Variants in PAG1 observed in about 807,000 individuals in gnomAD.
The protein encoded by PAG1 is phosphoprotein associated with glycosphingolipid-enriched microdomains 1.
A neutral mutation model predicts 31.7 loss-of-function variants in PAG1; 23 were observed. That is an observed-to-expected ratio of 0.73 (90% CI 0.52 to 1.03). PAG1 has a LOEUF of 1.03. Ranked by LOEUF, PAG1 falls within the 50% of genes least tolerant of loss-of-function variation. PAG1 has a pLI of 0.00. For missense variants in PAG1, 473 were observed against 540.7 expected, an observed-to-expected ratio of 0.87 and a Z score of 1.24; for synonymous variants, 214 against 210.3, an observed-to-expected ratio of 1.02 and a Z score of -0.15.
chr8:81,085,431 A>C (rs1809334978), intron 1 of PAG1, among the ~76,000 whole-genome samples: 1 of 152,218 alleles, frequency 6.6e-6, no homozygotes, highest in Non-Finnish European at 1.5e-5. Flanking sequence ...TAACTCAGGC[A>C]TTAAAATCAT....
chr8:81,064,913 A>G (rs1808977843), intron 2 of PAG1, among the ~76,000 whole-genome samples: 1 of 152,236 alleles, frequency 6.6e-6, no homozygotes, highest in Non-Finnish European at 1.5e-5. Context: ...TGGCATTTAT[A>G]TGCTTTCCCT....
chr8:81,095,048 A>T (rs1238069598), intron 1 of PAG1, among the ~76,000 whole-genome samples: 1 of 152,230 alleles, frequency 6.6e-6, no homozygotes, highest in Non-Finnish European at 1.5e-5. Flanking sequence ...TTTCTCAAAG[A>T]TTGGTCCATG....
At chr8:80,987,744 A>T (rs1807455872) in intron 5 of PAG1, among the ~76,000 whole-genome samples, 2 of 152,278 alleles carry the variant, frequency 1.3e-5, no homozygotes, top group South Asian at 4.1e-4. Flanking sequence ...AAGTACAGTA[A>T]TTTAACAATA....
intron 1 of PAG1, among the ~76,000 whole-genome samples, chr8:81,077,758 G>A (rs1040546011): frequency 1.4e-4 from 22 of 152,192 alleles, no homozygotes; most frequent in African/African-American, 5.1e-4. Flanking sequence ...GTAAAGGTTT[G>A]AAAATAATAT....
Position 80,985,023 on chromosome 8 carries a change from G to T in PAG1, c.629C>A (p.Ser210Ter). 1 of 1,614,072 alleles carries T rather than the reference G, an allele frequency of 6.2e-7. No homozygotes were observed. The highest frequency in any genetic ancestry group is 1.1e-5 in the South Asian group (1 of 91,080). The change falls in exon 7 of 9, where the codon TCG (serine) becomes TAG (stop). Residue 210 changes from serine (S) to a stop codon, truncating the protein, a stop_gained. Coordinates refer to ENST00000220597, the MANE Select transcript of PAG1 (RefSeq NM_018440.4). LOFTEE classifies it high-confidence loss of function. ...HSGKAKSTSA[S>*]KELPGPQTEG... ...AGTCTGGGGCCCTGGGAGCTCTTTC[G>T]AGGCAGAAGTAGATTTTGCCTTGCC...
At chr8:81,085,600 T>G (rs1178212889) in intron 1 of PAG1, among the ~76,000 whole-genome samples, 1 of 152,218 alleles carries the variant, frequency 6.6e-6, no homozygotes, top group African/African-American at 2.4e-5. Context: ...TCCACAGAAG[T>G]AAATTTACCA....
chr8:81,083,957 C>G (rs1809310039), intron 1 of PAG1, among the ~76,000 whole-genome samples: 1 of 151,910 alleles, frequency 6.6e-6, no homozygotes, highest in Admixed American at 6.6e-5. Flanking sequence ...ATCACTTGAA[C>G]CTGGGAGGTG....
At chr8:80,999,781 A>G (rs1269380821) in intron 3 of PAG1, among the ~76,000 whole-genome samples, 1 of 152,256 alleles carries the variant, frequency 6.6e-6, no homozygotes, top group Non-Finnish European at 1.5e-5. Context: ...TTTGCCCCAG[A>G]CAAGCCAAAA....
chr8:81,052,294 C>T (rs1808746482), intron 2 of PAG1, among the ~76,000 whole-genome samples: 1 of 152,116 alleles, frequency 6.6e-6, no homozygotes, highest in Non-Finnish European at 1.5e-5. Context: ...ACTTTAAGTG[C>T]CACCTCTAGC....
intron 1 of PAG1, among the ~76,000 whole-genome samples, chr8:81,091,822 A>AAAG (rs138634354): frequency 1.0e-3 from 156 of 149,386 alleles, no homozygotes; most frequent in South Asian, 1.9e-3. Context: ...CAGGATGAAG[A>AAAG]AAGAAGAAGA....
At chr8:81,083,402 C>T (rs559360624) in intron 1 of PAG1, among the ~76,000 whole-genome samples, 11 of 152,188 alleles carry the variant, frequency 7.2e-5, no homozygotes, top group East Asian at 1.9e-4. Flanking sequence ...CTTGTTACTA[C>T]GCAGCAGAAA....
At chr8:81,019,333 G>A (rs1808123280) in intron 3 of PAG1, among the ~76,000 whole-genome samples, 1 of 152,244 alleles carries the variant, frequency 6.6e-6, no homozygotes, top group African/African-American at 2.4e-5. Context: ...TAATCACCAA[G>A]ACAATGGTGA....
chr8:80,978,846 T>C (rs1173422043), intron 8 of PAG1, among the ~76,000 whole-genome samples: 1 of 152,260 alleles, frequency 6.6e-6, no homozygotes, highest in Non-Finnish European at 1.5e-5. Context: ...GCCCCCTTGC[T>C]ATTTAGCTTC....
chr8:81,075,179 T>C (rs931780070), intron 1 of PAG1, among the ~76,000 whole-genome samples: 3 of 152,254 alleles, frequency 2.0e-5, no homozygotes, highest in Non-Finnish European at 4.4e-5. Flanking sequence ...TCCAAGACCC[T>C]AATGCAAAAT....
At chr8:81,007,506 G>A (rs1483263156) in intron 3 of PAG1, among the ~76,000 whole-genome samples, 3 of 149,862 alleles carry the variant, frequency 2.0e-5, no homozygotes, top group South Asian at 2.1e-4. Context: ...GTGTGGTGGC[G>A]GGCACGTGTA....
intron 3 of PAG1, among the ~76,000 whole-genome samples, chr8:81,010,703 A>G (rs1293309446): frequency 2.0e-5 from 3 of 152,170 alleles, no homozygotes; most frequent in Non-Finnish European, 2.9e-5. Flanking sequence ...ATTGACCTTC[A>G]TTGTTTAAAC....
chr8:81,040,207 T>C (rs977471392), intron 2 of PAG1, among the ~76,000 whole-genome samples: 3 of 152,226 alleles, frequency 2.0e-5, no homozygotes, highest in African/African-American at 4.8e-5. Context: ...TTAGTACTTA[T>C]GTATATTTCA....
chr8:81,071,958 C>G (rs949925342), intron 1 of PAG1, among the ~76,000 whole-genome samples: 4 of 152,198 alleles, frequency 2.6e-5, no homozygotes, highest in African/African-American at 9.7e-5. Context: ...CACTGCCCTC[C>G]TGAGTCCTCC....
chr8:81,090,319 C>T (rs1028997930), intron 1 of PAG1, among the ~76,000 whole-genome samples: 1 of 152,150 alleles, frequency 6.6e-6, no homozygotes, highest in Non-Finnish European at 1.5e-5. Context: ...TGTTCTGATG[C>T]TTTCTATATA....
Sources: allele counts gnomAD v4.1 joint callset (sites outside exome capture counted in the v4.1 genomes callset), GRCh38; gene constraint gnomAD v4.1.1; transcripts MANE v1.5; gene names NCBI Gene and HGNC (gene_info 2026-07-23, HGNC 2026-07-21).